The following SEMA6D variants were observed in gnomAD, a reference collection of about 807,000 sequenced individuals.
SEMA6D encodes the protein semaphorin 6D, also known as semaphorin-6D.
A neutral mutation model predicts 106.6 loss-of-function variants in SEMA6D; 35 were observed. The ratio of observed to expected loss-of-function variants is 0.33; its 90% confidence interval spans 0.25 to 0.44. SEMA6D has a LOEUF of 0.44. SEMA6D is among the 20% of genes least tolerant of loss of function. SEMA6D has a pLI of 1.00. For missense variants in SEMA6D, 1,185 were observed against 1,345.9 expected, an observed-to-expected ratio of 0.88 and a Z score of 1.87; for synonymous variants, 499 against 487.7, an observed-to-expected ratio of 1.02 and a Z score of -0.31.
At chr15:47,689,129 T>C (rs2078531604) in intron 4 of SEMA6D, among the ~76,000 whole-genome samples, 1 of 152,222 alleles carries the variant, frequency 6.6e-6, no homozygotes, top group Non-Finnish European at 1.5e-5. Flanking sequence ...AGATATGAGC[T>C]TAGACTTTAC....
At chr15:47,398,064 G>A (rs1465118506) in intron 1 of SEMA6D, among the ~76,000 whole-genome samples, 2 of 152,098 alleles carry the variant, frequency 1.3e-5, no homozygotes, top group Non-Finnish European at 2.9e-5. Flanking sequence ...GCAAAAATCC[G>A]TAGCAGTTTC....
intron 1 of SEMA6D, among the ~76,000 whole-genome samples, chr15:47,355,694 A>G (rs968798526): frequency 2.6e-5 from 4 of 152,216 alleles, no homozygotes; most frequent in Non-Finnish European, 1.5e-5. Flanking sequence ...TTTGGGAAGG[A>G]AAAAATAAAG....
intron 4 of SEMA6D, among the ~76,000 whole-genome samples, chr15:47,618,023 C>T (rs970988183): frequency 6.6e-6 from 1 of 152,054 alleles, no homozygotes; most frequent in Non-Finnish European, 1.5e-5. Context: ...TTGATTTATT[C>T]TTGGGAACAC....
intron 1 of SEMA6D, among the ~76,000 whole-genome samples, chr15:47,206,982 CA>C (rs1323999734): frequency 6.6e-6 from 1 of 152,054 alleles, no homozygotes; most frequent in East Asian, 1.9e-4. Flanking sequence ...AAAATAACTT[CA>C]AGGGAAAACC....
At chr15:47,665,627 T>C in intron 4 of SEMA6D, among the ~76,000 whole-genome samples, 1 of 152,206 alleles carries the variant, frequency 6.6e-6, no homozygotes, top group South Asian at 2.1e-4. Context: ...CTGGCCAACA[T>C]GGTGAAATCC....
At chr15:47,692,338 A>G (rs2078605834) in intron 4 of SEMA6D, among the ~76,000 whole-genome samples, 1 of 152,114 alleles carries the variant, frequency 6.6e-6, no homozygotes, top group African/African-American at 2.4e-5. Context: ...TCCTTCCTCT[A>G]CTGTGAACAT....
chr15:47,273,553 A>AT (rs948376944), intron 1 of SEMA6D, among the ~76,000 whole-genome samples: 3 of 152,158 alleles, frequency 2.0e-5, no homozygotes, highest in Non-Finnish European at 4.4e-5. Flanking sequence ...CTATTTGTTC[A>AT]TTTTTTGCAG....
intron 3 of SEMA6D, among the ~76,000 whole-genome samples, chr15:47,516,835 C>G (rs1323366680): frequency 6.6e-6 from 1 of 152,102 alleles, no homozygotes; most frequent in African/African-American, 2.4e-5. Context: ...CCTGGTGTCC[C>G]CAGGGTGTCG....
At chr15:47,412,153 C>G (rs1022347182) in intron 1 of SEMA6D, among the ~76,000 whole-genome samples, 5 of 151,806 alleles carry the variant, frequency 3.3e-5, no homozygotes, top group Non-Finnish European at 5.9e-5. Context: ...TCATGAATAG[C>G]CTGTTTGCAA....
At chr15:47,466,061 G>A (rs541577940) in intron 2 of SEMA6D, among the ~76,000 whole-genome samples, 5 of 152,204 alleles carry the variant, frequency 3.3e-5, no homozygotes, top group African/African-American at 1.2e-4. Flanking sequence ...TGTATTCAAG[G>A]TATGCAAAAT....
intron 3 of SEMA6D, among the ~76,000 whole-genome samples, chr15:47,587,413 T>C (rs766673532): frequency 9.9e-5 from 15 of 152,192 alleles, no homozygotes; most frequent in Admixed American, 2.0e-4. Flanking sequence ...GCATGATTCA[T>C]TGGAAAATAA....
At chr15:47,205,919 GAAC>G (rs1480207968) in intron 1 of SEMA6D, among the ~76,000 whole-genome samples, 1 of 133,190 alleles carries the variant, frequency 7.5e-6, no homozygotes, top group African/African-American at 3.0e-5. Flanking sequence ...TTTTGCATTT[GAAC>G]AACATTTATT....
chr15:47,260,919 A>G (rs1309321865), intron 1 of SEMA6D, among the ~76,000 whole-genome samples: 1 of 152,100 alleles, frequency 6.6e-6, no homozygotes, highest in African/African-American at 2.4e-5. Flanking sequence ...ATCAGAAAAT[A>G]CTGAGGGTGG....
intron 1 of SEMA6D, among the ~76,000 whole-genome samples, chr15:47,295,096 C>T (rs1243134884): frequency 6.6e-6 from 1 of 152,162 alleles, no homozygotes; most frequent in Non-Finnish European, 1.5e-5. Flanking sequence ...GGTTTGAAGT[C>T]CCCGTTGCTC....
At chr15:47,636,322 A>G (rs752187709) in intron 4 of SEMA6D, among the ~76,000 whole-genome samples, 1 of 152,196 alleles carries the variant, frequency 6.6e-6, no homozygotes, top group Non-Finnish European at 1.5e-5. Context: ...GTCTTGAAAA[A>G]CAATATTGAT....
intron 2 of SEMA6D, among the ~76,000 whole-genome samples, chr15:47,421,705 G>A (rs1175440475): frequency 1.3e-5 from 2 of 151,972 alleles, no homozygotes; most frequent in African/African-American, 4.8e-5. Context: ...TAGATAAGGG[G>A]GGATCAGAAG....
chr15:47,495,046 A>C (rs1322826696), intron 3 of SEMA6D, among the ~76,000 whole-genome samples: 1 of 151,542 alleles, frequency 6.6e-6, no homozygotes, highest in Non-Finnish European at 1.5e-5. Flanking sequence ...TACAATGGAC[A>C]GTCAATAAAA....
chr15:47,598,768 C>A (rs1346386291), intron 3 of SEMA6D, among the ~76,000 whole-genome samples: 2 of 152,022 alleles, frequency 1.3e-5, no homozygotes, highest in Non-Finnish European at 2.9e-5. Context: ...TACAGATCAC[C>A]AAGGCAAATA....
intron 1 of SEMA6D, among the ~76,000 whole-genome samples, chr15:47,353,204 C>T (rs976914423): frequency 1.3e-5 from 2 of 152,098 alleles, no homozygotes; most frequent in South Asian, 2.1e-4. Context: ...TGGTGAATTA[C>T]ACTGACATTT....
Sources: gnomAD v4.1 joint callset for allele counts (sites outside exome capture counted in the v4.1 genomes callset) on GRCh38, gnomAD v4.1.1 for gene constraint, MANE v1.5 for transcripts, NCBI Gene and HGNC (gene_info 2026-07-23, HGNC 2026-07-21) for gene names.